The following EYS variants were observed in gnomAD, a reference collection of about 807,000 sequenced individuals.
EYS encodes protein eyes shut homolog.
In EYS, 250 loss-of-function variants were observed where a neutral mutation model predicts 282.1. That is an observed-to-expected ratio of 0.89 (90% CI 0.80 to 0.98). EYS has a LOEUF of 0.98. EYS is among the 50% of genes least tolerant of loss of function. The pLI is 0.00. For missense variants in EYS, 4,016 were observed against 3,709.0 expected (o/e 1.08, Z -2.15); for synonymous variants, 1,355 against 1,282.9 (o/e 1.06, Z -1.20).
chr6:65,557,645 C>A (rs1768868761), intron 2 of EYS, among the ~76,000 whole-genome samples: 1 of 152,186 alleles, frequency 6.6e-6, no homozygotes, highest in African/African-American at 2.4e-5. Context: ...AGTGCGTCAC[C>A]ACCTGCAGCT....
intron 22 of EYS, among the ~76,000 whole-genome samples, chr6:64,660,231 G>T (rs1768947162): frequency 1.3e-5 from 2 of 152,126 alleles, no homozygotes; most frequent in South Asian, 4.1e-4. Context: ...TTGATGGGAA[G>T]TATCTCAAAA....
In EYS at chr6:64,281,411, G is replaced by A. The variant is rs528289166; in HGVS notation, c.6191+25559C>T. ...AAAGCATAGTAAAAGAAATACTTTC[G>A]AAATGAATTGCATCATTTAAACTAT... On this transcript the variant is annotated intron_variant, in intron 30 of 42. Transcript: ENST00000503581. Among the ~76,000 whole-genome samples the A allele has an allele frequency of 3.9e-5, 6 of 152,122 alleles. No homozygotes were observed. In the South Asian group the frequency reaches 8.3e-4, roughly 21 times the overall value.
chr6:63,865,033 C>G (rs1336959265), intron 35 of EYS, among the ~76,000 whole-genome samples: 1 of 152,156 alleles, frequency 6.6e-6, no homozygotes, highest in Non-Finnish European at 1.5e-5. Flanking sequence ...GTAACAGATG[C>G]CTTCGTTTTC....
chr6:65,162,226 T>C (rs1764866989), intron 12 of EYS, among the ~76,000 whole-genome samples: 1 of 151,256 alleles, frequency 6.6e-6, no homozygotes, highest in African/African-American at 2.4e-5. Context: ...ACCAGTTCTG[T>C]CCATTTCTCA....
chr6:65,506,629 C>A (rs925659724), intron 2 of EYS, among the ~76,000 whole-genome samples: 2 of 148,012 alleles, frequency 1.4e-5, no homozygotes. Flanking sequence ...CAGCACATGT[C>A]ACCAGACCAG....
At chr6:64,967,858 C>T (rs1158949976) in intron 14 of EYS, among the ~76,000 whole-genome samples, 1 of 152,136 alleles carries the variant, frequency 6.6e-6, no homozygotes, top group Non-Finnish European at 1.5e-5. Context: ...AGTCTTATTT[C>T]TTGTATAATA....
intron 35 of EYS, among the ~76,000 whole-genome samples, chr6:63,890,580 G>A (rs1435010954): frequency 6.6e-6 from 1 of 152,036 alleles, no homozygotes; most frequent in Non-Finnish European, 1.5e-5. Flanking sequence ...AGAATCTCTG[G>A]GACACAGCTA....
At chr6:64,303,298 A>G (rs1769300333) in intron 30 of EYS, among the ~76,000 whole-genome samples, 1 of 152,174 alleles carries the variant, frequency 6.6e-6, no homozygotes, top group Non-Finnish European at 1.5e-5. Flanking sequence ...TCACTCCTTG[A>G]TTGGAAAAGA....
chr6:65,188,522 A>G (rs961727752), intron 12 of EYS, among the ~76,000 whole-genome samples: 6 of 151,570 alleles, frequency 4.0e-5, no homozygotes, highest in Admixed American at 1.3e-4. Context: ...CAGAATAATC[A>G]CCTCCAAAGA....
chr6:64,651,022 T>C (rs1192966811), intron 22 of EYS, among the ~76,000 whole-genome samples: 1 of 152,154 alleles, frequency 6.6e-6, no homozygotes, highest in African/African-American at 2.4e-5. Flanking sequence ...ACCTATATTA[T>C]GAAATATTAT....
chr6:64,154,731 TAAGTA>T lies in EYS; in HGVS notation c.6425-72734_6425-72730del, dbSNP rs200271048. 7.3e-3 allele frequency among the ~76,000 whole-genome samples: 1,106 copies of T among 152,262 alleles called. 23 individuals carry two copies. The highest frequency in any genetic ancestry group is 0.024 in the African/African-American group (1,017 of 41,538). ...TTAAAATTTTAAAAATTGTTGTCTT[TAAGTA>T]AATATTTTCTTGCAGTCATACTATT... On this transcript the variant is annotated intron_variant, in intron 31 of 42. Coordinates refer to ENST00000503581, the MANE Select transcript of EYS (RefSeq NM_001142800.2).
intron 12 of EYS, among the ~76,000 whole-genome samples, chr6:65,161,756 A>G (rs73768159): frequency 0.019 from 2,844 of 151,302 alleles, 71 homozygotes; most frequent in African/African-American, 0.065. Flanking sequence ...AAGAATATGT[A>G]TTGTGAAGCA....
At chr6:64,184,085 C>T (rs1237083376) in intron 31 of EYS, among the ~76,000 whole-genome samples, 4 of 152,060 alleles carry the variant, frequency 2.6e-5, no homozygotes, top group Non-Finnish European at 5.9e-5. Context: ...GTGTCCCTCC[C>T]GTTTGTCCTG....
chr6:64,659,308 A>C (rs1768896445), intron 22 of EYS, among the ~76,000 whole-genome samples: 1 of 152,176 alleles, frequency 6.6e-6, no homozygotes, highest in South Asian at 2.1e-4. Context: ...TGACACCCTA[A>C]CATCACAATT....
At chr6:64,264,967 C>T (rs1247388221) in intron 30 of EYS, among the ~76,000 whole-genome samples, 1 of 151,958 alleles carries the variant, frequency 6.6e-6, no homozygotes, top group Non-Finnish European at 1.5e-5. Context: ...GAAGAGGTTA[C>T]GGATTGAGGA....
At chr6:64,609,816 G>A (rs1767052195) in intron 24 of EYS, among the ~76,000 whole-genome samples, 1 of 152,108 alleles carries the variant, frequency 6.6e-6, no homozygotes, top group African/African-American at 2.4e-5. Flanking sequence ...GAGCCCAGAA[G>A]TTTGACGCTG....
chr6:65,273,990 G>A (rs931054653), intron 12 of EYS, among the ~76,000 whole-genome samples: 4 of 152,138 alleles, frequency 2.6e-5, no homozygotes, highest in African/African-American at 9.7e-5. Flanking sequence ...AACATCACTG[G>A]TGTCTACCAG....
At chr6:63,990,705 C>T (rs1407388022) in intron 34 of EYS, among the ~76,000 whole-genome samples, 2 of 151,626 alleles carry the variant, frequency 1.3e-5, no homozygotes, top group Non-Finnish European at 3.0e-5. Flanking sequence ...GGGCATGTGT[C>T]CAGTGTTAAT....
At chr6:63,925,576 A>C (rs1256777884) in intron 35 of EYS, among the ~76,000 whole-genome samples, 1 of 152,214 alleles carries the variant, frequency 6.6e-6, no homozygotes, top group African/African-American at 2.4e-5. Context: ...CAGAACATGT[A>C]GGTTTGTTAC....
Sources: gnomAD v4.1 joint callset for allele counts (sites outside exome capture counted in the v4.1 genomes callset) on GRCh38, gnomAD v4.1.1 for gene constraint, MANE v1.5 for transcripts, NCBI Gene and HGNC (gene_info 2026-07-23, HGNC 2026-07-21) for gene names.